CACNA2D3: variants seen among roughly 807,000 people sequenced by gnomAD.
The protein encoded by CACNA2D3 is voltage-dependent calcium channel subunit alpha-2/delta-3.
Under a neutral mutation model 160.6 loss-of-function variants are expected in CACNA2D3, and 60 were observed. The observed-to-expected ratio is 0.37, with a 90% CI of 0.30 to 0.46. The LOEUF (loss-of-function observed/expected upper bound fraction) is 0.46, where lower values mean the gene tolerates loss of function less well. CACNA2D3 is among the 20% of genes least tolerant of loss of function. The pLI, the probability that CACNA2D3 is intolerant of heterozygous loss-of-function variation, is 1.00. For missense variants in CACNA2D3, 1,205 were observed against 1,365.0 expected (o/e 0.88, Z 1.85); for synonymous variants, 558 against 492.9 (o/e 1.13, Z -1.75).
chr3:54,285,502 G>A (rs946190416), intron 2 of CACNA2D3, among the ~76,000 whole-genome samples: 1 of 152,186 alleles, frequency 6.6e-6, no homozygotes, highest in African/African-American at 2.4e-5. Context: ...CACCTCTGGG[G>A]GCAGGGCACA....
At chr3:54,220,421 A>G (rs1181956327) in intron 2 of CACNA2D3, among the ~76,000 whole-genome samples, 1 of 152,236 alleles carries the variant, frequency 6.6e-6, no homozygotes, top group Non-Finnish European at 1.5e-5. Flanking sequence ...TGAGATGCTA[A>G]TGTAGCACTA....
chr3:54,407,982 A>G (rs1699605245), intron 4 of CACNA2D3, among the ~76,000 whole-genome samples: 1 of 152,268 alleles, frequency 6.6e-6, no homozygotes, highest in East Asian at 1.9e-4. Context: ...AATAGTTGTT[A>G]ATGGCCTCCT....
At position 54,252,438 on chromosome 3, in the gene CACNA2D3, T is replaced by C. The variant is rs191487971; in HGVS notation, c.205-68004T>C. Reference sequence around the variant, plus strand: ...GGCTGGTGTCTTAGCTGATGTCCAATAGGTTTTATTTTTACTCATTCTTTC... The same window carrying C: ...GGCTGGTGTCTTAGCTGATGTCCAACAGGTTTTATTTTTACTCATTCTTTC... On this transcript the variant is annotated intron_variant, in intron 2 of 37. Coordinates refer to ENST00000474759, the MANE Select transcript of CACNA2D3 (RefSeq NM_018398.3). Among the ~76,000 whole-genome samples, 8 of 152,294 alleles carry C rather than the reference T, an allele frequency of 5.3e-5. No individual in the cohort carries two copies. The East Asian group carries it at 1.5e-3, about 29-fold the overall frequency.
At chr3:54,146,746 G>T (rs1217952946) in intron 2 of CACNA2D3, among the ~76,000 whole-genome samples, 1 of 152,212 alleles carries the variant, frequency 6.6e-6, no homozygotes, top group Non-Finnish European at 1.5e-5. Flanking sequence ...GGGAGTCTGC[G>T]GGGTGTCACC....
At chr3:54,918,875 T>C in intron 27 of CACNA2D3, 1 of 1,547,216 alleles carries the variant, frequency 6.5e-7, no homozygotes, top group Non-Finnish European at 8.7e-7. Flanking sequence ...TCACAGATGA[T>C]GCCGTCTGTT....
Position 54,340,945 on chromosome 3 carries a change from G to A in CACNA2D3, c.321+20387G>A, listed in dbSNP as rs976838918. Among the ~76,000 whole-genome samples the A allele has an allele frequency of 7.2e-5, 11 of 152,116 alleles. No individual in the cohort carries two copies. In the South Asian group the frequency reaches 1.2e-3, roughly 17 times the overall value. ...CTGGTCTCGTCACTGACCTGATCTC[G>A]TCTGTTTCCATTTTCTCTTTTACTC... On this transcript the variant is annotated intron_variant, in intron 3 of 37. Transcript: ENST00000474759.
chr3:54,949,580 AG>A, intron 27 of CACNA2D3, among the ~76,000 whole-genome samples: 1 of 152,196 alleles, frequency 6.6e-6, no homozygotes, highest in Non-Finnish European at 1.5e-5. Context: ...GCCATACCCA[AG>A]GGGCAGCACT....
At chr3:55,072,212 GA>G (rs1269105283) in intron 35 of CACNA2D3, among the ~76,000 whole-genome samples, 1 of 152,184 alleles carries the variant, frequency 6.6e-6, no homozygotes, top group Non-Finnish European at 1.5e-5. Context: ...AGGCATTGAG[GA>G]AACATCTTTG....
intron 3 of CACNA2D3, among the ~76,000 whole-genome samples, chr3:54,322,726 A>G (rs4928040): frequency 0.69 from 104,983 of 152,010 alleles, 36,435 homozygotes; most frequent in Non-Finnish European, 0.74. Context: ...GCTTTAGGAA[A>G]CACCTGGATG....
intron 2 of CACNA2D3, among the ~76,000 whole-genome samples, chr3:54,186,543 A>G (rs1700881970): frequency 6.6e-6 from 1 of 152,178 alleles, no homozygotes; most frequent in Non-Finnish European, 1.5e-5. Context: ...TTTACTTTTT[A>G]GAGATTAAGT....
chr3:54,652,358 C>T (rs1178763842), intron 11 of CACNA2D3, among the ~76,000 whole-genome samples: 1 of 152,256 alleles, frequency 6.6e-6, no homozygotes, highest in African/African-American at 2.4e-5. Context: ...GCTAAGACAC[C>T]TCCAATGAGA....
At chr3:54,588,644 T>C (rs1183048553) in intron 9 of CACNA2D3, among the ~76,000 whole-genome samples, 1 of 152,110 alleles carries the variant, frequency 6.6e-6, no homozygotes, top group African/African-American at 2.4e-5. Flanking sequence ...ATCCTATTTC[T>C]CTACCTTAAT....
intron 3 of CACNA2D3, among the ~76,000 whole-genome samples, chr3:54,366,861 C>T (rs1254838645): frequency 6.6e-6 from 1 of 152,160 alleles, no homozygotes; most frequent in African/African-American, 2.4e-5. Context: ...CCAAATGATT[C>T]TGCAATAATG....
At chr3:54,500,556 T>TTCCTTCCTTC (rs1559498664) in intron 4 of CACNA2D3, among the ~76,000 whole-genome samples, 6 of 92,696 alleles carry the variant, frequency 6.5e-5, no homozygotes, top group African/African-American at 2.0e-4. Flanking sequence ...TTCCTTCCTT[T>TTCCTTCCTTC]CTCTCTCTTT....
Position 54,487,728 on chromosome 3 carries a change from G to A in CACNA2D3, c.382-15764G>A, listed in dbSNP as rs1245222208. Among the ~76,000 whole-genome samples the A allele has an allele frequency of 3.3e-5, 5 of 152,216 alleles. No homozygotes were observed. In the East Asian group the frequency reaches 9.6e-4, roughly 29 times the overall value. On this transcript the variant is annotated intron_variant, in intron 4 of 37. Transcript: ENST00000474759. ...ATAAAGAAAAAAAATAGGGGCATGG[G>A]CCTGTTGTTCAGTATGGTAGCCACA...
At chr3:54,814,330 A>C (rs781092252) in intron 13 of CACNA2D3, among the ~76,000 whole-genome samples, 1 of 152,136 alleles carries the variant, frequency 6.6e-6, no homozygotes, top group Non-Finnish European at 1.5e-5. Flanking sequence ...CTATCATTCC[A>C]CTTTACAGGC....
chr3:54,248,213 A>G (rs1482157398), intron 2 of CACNA2D3, among the ~76,000 whole-genome samples: 1 of 152,046 alleles, frequency 6.6e-6, no homozygotes, highest in South Asian at 2.1e-4. Flanking sequence ...GGCTCACACC[A>G]CTCATGCCTG....
chr3:54,248,368 C>G (rs908229335), intron 2 of CACNA2D3, among the ~76,000 whole-genome samples: 3 of 151,220 alleles, frequency 2.0e-5, no homozygotes, highest in Admixed American at 6.6e-5. Context: ...GTAATCCCAG[C>G]AACTCGGGAG....
intron 5 of CACNA2D3, among the ~76,000 whole-genome samples, chr3:54,504,356 A>G (rs1005863402): frequency 5.3e-5 from 8 of 152,300 alleles, no homozygotes; most frequent in African/African-American, 1.9e-4. Context: ...GATTCTGGTC[A>G]GACCGTGTTC....
Sources: allele counts gnomAD v4.1 joint callset (sites outside exome capture counted in the v4.1 genomes callset), GRCh38; gene constraint gnomAD v4.1.1; transcripts MANE v1.5; gene names NCBI Gene and HGNC (gene_info 2026-07-23, HGNC 2026-07-21).